The following ELSPBP1 variants were observed in gnomAD, a reference collection of about 807,000 sequenced individuals.
The protein encoded by ELSPBP1 is epididymal sperm binding protein 1.
A neutral mutation model predicts 33.3 loss-of-function variants in ELSPBP1; 38 were observed. The observed-to-expected ratio is 1.14, with a 90% CI of 0.88 to 1.50. The LOEUF (loss-of-function observed/expected upper bound fraction) is 1.50. ELSPBP1 is among the 40% of genes most tolerant of loss of function. The pLI, the probability that ELSPBP1 is intolerant of heterozygous loss-of-function variation, is 0.00. For missense variants in ELSPBP1, 267 were observed against 263.5 expected (o/e 1.01, Z -0.09); for synonymous variants, 85 against 94.1 (o/e 0.90, Z 0.56).
chr19:48,018,354 C>T (rs1211479545), intron 4 of ELSPBP1, among the ~76,000 whole-genome samples: 1 of 152,088 alleles, frequency 6.6e-6, no homozygotes, highest in Non-Finnish European at 1.5e-5. Flanking sequence ...TGATGCCATA[C>T]CAGGTACCCA....
At chr19:48,010,588 G>A (rs1967066429) in intron 2 of ELSPBP1, among the ~76,000 whole-genome samples, 1 of 152,196 alleles carries the variant, frequency 6.6e-6, no homozygotes, top group East Asian at 1.9e-4. Context: ...TTGACTCTGA[G>A]TATTATAAGT....
At chr19:48,021,096 A>C (rs779742646) in intron 5 of ELSPBP1, among the ~76,000 whole-genome samples, 1 of 152,086 alleles carries the variant, frequency 6.6e-6, no homozygotes, top group Non-Finnish European at 1.5e-5. Context: ...TGAGGACATC[A>C]TTTACGTCCT....
At chr19:48,013,396 T>C (rs914170842) in intron 2 of ELSPBP1, among the ~76,000 whole-genome samples, 2 of 152,162 alleles carry the variant, frequency 1.3e-5, no homozygotes, top group African/African-American at 4.8e-5. Context: ...CCATGAGAAC[T>C]GTCTCAGTCC....
chr19:48,017,732 A>G, intron 4 of ELSPBP1, among the ~76,000 whole-genome samples: 1 of 151,836 alleles, frequency 6.6e-6, no homozygotes, highest in East Asian at 1.9e-4. Context: ...CTCTGTAAAA[A>G]CAAGAATTAA....
At chr19:48,013,234 G>T (rs1265914761) in intron 2 of ELSPBP1, among the ~76,000 whole-genome samples, 1 of 152,164 alleles carries the variant, frequency 6.6e-6, no homozygotes, top group Admixed American at 6.6e-5. Context: ...TATGCTCTGA[G>T]AAACAGTGGT....
chr19:48,002,537 T>A (rs977233334), intron 1 of ELSPBP1, among the ~76,000 whole-genome samples: 7 of 152,190 alleles, frequency 4.6e-5, no homozygotes, highest in Admixed American at 3.9e-4. Flanking sequence ...ATGCCTGTAA[T>A]CCCAGCACTT....
rs1967140520 is a variant in ELSPBP1, at chr19:48,016,510, TTCTTTCTTTCTTTCTTTCTTCCTTCC to T, written c.355+473_355+498del. ...TTTCTTTCTTTCTTTCTTTCTTTCT[TTCTTTCTTTCTTTCTTTCTTCCTTCC>T]TTCCTTCCTTCCTTCCTTCCTTCCT... is the stretch of plus-strand genomic sequence containing the variant. On this transcript the variant is annotated intron_variant, in intron 4 of 6. Transcript: ENST00000339841. Among the ~76,000 whole-genome samples, 2 of 109,048 alleles carry T rather than the reference TTCTTTCTTTCTTTCTTTCTTCCTTCC, an allele frequency of 1.8e-5. 1 individual carries two copies. The highest frequency in any genetic ancestry group is 1.8e-4 in the Admixed American group (2 of 10,884). The allele number at this position is 109,048 out of a possible 152,430, so 71.5% of individuals were successfully genotyped here.
chr19:48,019,553 C>T (rs1454347509), intron 4 of ELSPBP1, among the ~76,000 whole-genome samples, 166 bp from the exon 5 acceptor site: 2 of 152,114 alleles, frequency 1.3e-5, no homozygotes, highest in African/African-American at 4.8e-5. Context: ...TTTTGGTTCT[C>T]ACTTATCCGT....
At chr19:48,000,127 A>G (rs936011207) in intron 1 of ELSPBP1, among the ~76,000 whole-genome samples, 2 of 151,858 alleles carry the variant, frequency 1.3e-5, no homozygotes, top group Non-Finnish European at 2.9e-5. Flanking sequence ...CGCCCAGCCT[A>G]TGTTTACCAT....
intron 2 of ELSPBP1, among the ~76,000 whole-genome samples, chr19:48,013,188 A>G (rs1323634020): frequency 3.3e-5 from 5 of 152,240 alleles, no homozygotes; most frequent in African/African-American, 1.2e-4. Flanking sequence ...TGATCCACCA[A>G]AAAGTATTTT....
intron 5 of ELSPBP1, among the ~76,000 whole-genome samples, chr19:48,020,572 C>T (rs1356020273): frequency 6.6e-6 from 1 of 152,088 alleles, no homozygotes; most frequent in African/African-American, 2.4e-5. Flanking sequence ...CAAAGTTTAG[C>T]GAGTTGACGC....
chr19:48,009,352 G>T (rs1009921318), intron 2 of ELSPBP1, among the ~76,000 whole-genome samples: 2 of 152,088 alleles, frequency 1.3e-5, no homozygotes, highest in Non-Finnish European at 2.9e-5. Context: ...CATGGTGGGG[G>T]TAAAAGGCAG....
chr19:48,015,983 G>T lies in ELSPBP1; in HGVS notation c.299G>T (p.Cys100Phe), dbSNP rs1482870798. 1.2e-6 allele frequency: 2 copies of T among 1,613,932 alleles called. No individual in the cohort carries two copies. Among genetic ancestry groups the T allele is most frequent in the South Asian group, 2.2e-5 (2 of 91,078 alleles). Residue 100 changes from cysteine (C) to phenylalanine (F), a missense_variant, in exon 4 of 7, where the codon TGC becomes TTC. By Grantham distance (205) the Cys-to-Phe change is radical. Transcript: ENST00000339841. ...SQGSFLGSLW[C>F]SVTSVFDEKQ... ...GGCAGCTTCTTAGGCAGTCTGTGGT[G>T]CTCAGTCACCTCTGTCTTCGATGAG...
chr19:48,001,945 C>T (rs1031047582), intron 1 of ELSPBP1, among the ~76,000 whole-genome samples: 13 of 152,072 alleles, frequency 8.5e-5, no homozygotes, highest in Non-Finnish European at 8.8e-5. Flanking sequence ...GATCCTCCTG[C>T]GTCAGCTTCC....
intron 1 of ELSPBP1, among the ~76,000 whole-genome samples, chr19:48,002,892 C>T (rs1280407415): frequency 2.6e-5 from 4 of 152,208 alleles, no homozygotes; most frequent in Non-Finnish European, 4.4e-5. Flanking sequence ...TGCTTTCCAG[C>T]ATCTGCTGCA....
intron 2 of ELSPBP1, among the ~76,000 whole-genome samples, chr19:48,012,329 C>T (rs192710062): frequency 1.2e-4 from 19 of 152,030 alleles, no homozygotes; most frequent in African/African-American, 4.3e-4. Flanking sequence ...GGGGGTCTCA[C>T]TTTGTTGCTC....
At chr19:48,017,391 C>A (rs1967153498) in intron 4 of ELSPBP1, among the ~76,000 whole-genome samples, 1 of 152,210 alleles carries the variant, frequency 6.6e-6, no homozygotes, top group Non-Finnish European at 1.5e-5. Context: ...CCTTAAATCT[C>A]ACTATAGCTT....
At chr19:48,016,486 T>A (rs1221932892) in intron 4 of ELSPBP1, among the ~76,000 whole-genome samples, 1 of 93,172 alleles carries the variant, frequency 1.1e-5, no homozygotes, top group Admixed American at 1.0e-4. Context: ...CTTTCTTTCT[T>A]TCTTTCTTTC....
At chr19:48,003,886 C>CTTCTA (rs56297495) in intron 1 of ELSPBP1, among the ~76,000 whole-genome samples, 2,249 of 114,230 alleles carry the variant, frequency 0.02, 46 homozygotes, top group African/African-American at 0.03. Flanking sequence ...CTTCTGGTTG[C>CTTCTA]TTCTATTCTA....
Sources: allele counts gnomAD v4.1 joint callset (sites outside exome capture counted in the v4.1 genomes callset), GRCh38; gene constraint gnomAD v4.1.1; transcripts MANE v1.5; gene names NCBI Gene and HGNC (gene_info 2026-07-23, HGNC 2026-07-21).